Variants in KCTD5 observed in about 807,000 individuals in gnomAD.
The protein encoded by KCTD5 is potassium channel tetramerization domain containing 5.
KCTD5 carries 12 observed loss-of-function variants against 27.9 expected under a neutral mutation model. The ratio of observed to expected loss-of-function variants is 0.43; its 90% confidence interval spans 0.28 to 0.70. The LOEUF is 0.70. KCTD5 is among the 30% of genes least tolerant of loss of function. KCTD5 has a pLI of 0.19. For missense variants in KCTD5, 226 were observed against 274.8 expected (o/e 0.82, Z 1.26); for synonymous variants, 147 against 121.4 (o/e 1.21, Z -1.39).
At chr16:2,691,721 C>G (rs1261594211) in intron 1 of KCTD5, among the ~76,000 whole-genome samples, 1 of 152,182 alleles carries the variant, frequency 6.6e-6, no homozygotes, top group African/African-American at 2.4e-5. Context: ...CTGGGGTTCT[C>G]TGCTCCTCTG....
chr16:2,682,732 C>G lies in KCTD5; in HGVS notation c.184C>G (p.Leu62Val), dbSNP rs772439443. Residue 62 changes from leucine (L) to valine (V), a missense_variant, in exon 1 of 6, where the codon CTG becomes GTG. Physicochemically the swap from Leu to Val is conservative, Grantham distance 32 (BLOSUM62 1). Coordinates refer to ENST00000301738, the MANE Select transcript of KCTD5 (RefSeq NM_018992.4). Reference protein sequence around the residue: ...GTYFLTTRQTLCRDPKSFLYR... With the variant: ...GTYFLTTRQTVCRDPKSFLYR... Reference sequence around the variant, plus strand: ...CTACTTCCTCACCACTCGGCAGACCCTGTGCCGGGACCCGAAATCCTTCCT... The same window carrying G: ...CTACTTCCTCACCACTCGGCAGACCGTGTGCCGGGACCCGAAATCCTTCCT... 1 of 1,610,884 alleles carries G rather than the reference C, an allele frequency of 6.2e-7. No individual in the cohort carries two copies. The highest frequency in any genetic ancestry group is 1.1e-5 in the South Asian group (1 of 90,652).
At chr16:2,685,299 G>A (rs1200752978) in intron 1 of KCTD5, among the ~76,000 whole-genome samples, 11 of 151,970 alleles carry the variant, frequency 7.2e-5, no homozygotes, top group African/African-American at 2.4e-4. Context: ...ATGGTGGCGC[G>A]TGCCTGTACT....
At chr16:2,698,951 G>A (rs1333547111) in intron 3 of KCTD5, among the ~76,000 whole-genome samples, 1 of 152,232 alleles carries the variant, frequency 6.6e-6, no homozygotes, top group Non-Finnish European at 1.5e-5. Flanking sequence ...AGGTGGGCAG[G>A]AAATGGTGCA....
At chr16:2,700,148 C>G (rs1164074991) in intron 4 of KCTD5, among the ~76,000 whole-genome samples, 1 of 152,222 alleles carries the variant, frequency 6.6e-6, no homozygotes, top group Non-Finnish European at 1.5e-5. Context: ...CCCCTCCTCC[C>G]TGGCCTGCCT....
chr16:2,697,100 A>C (rs897914947), intron 2 of KCTD5: 2 of 152,374 alleles, frequency 1.3e-5, no homozygotes, highest in East Asian at 3.9e-4. Context: ...TGCGGGACCC[A>C]TGCGGGGCCG....
intron 3 of KCTD5, chr16:2,699,232 A>G: frequency 2.2e-6 from 1 of 455,990 alleles, no homozygotes; most frequent in Non-Finnish European, 4.4e-6. Flanking sequence ...GAGCAGCTCC[A>G]TGCAGGCGGG....
intron 4 of KCTD5, among the ~76,000 whole-genome samples, chr16:2,700,611 A>C (rs1458262965): frequency 6.6e-6 from 1 of 150,838 alleles, no homozygotes; most frequent in Non-Finnish European, 1.5e-5. Context: ...GGGTGGGGAC[A>C]GTGACCTCAC....
At position 2,705,052 on chromosome 16, in the gene KCTD5, G is replaced by A. The variant is rs2067629177; in HGVS notation, c.676-2246G>A. On this transcript the variant is annotated intron_variant, in intron 5 of 5. Transcript: ENST00000301738. ...GCCTCACTGGAAGGTCACCGGGCGT[G>A]GGGGTTTGGGCCCGGGGCACCCGCC... is the stretch of plus-strand genomic sequence containing the variant. 2.0e-5 allele frequency among the ~76,000 whole-genome samples: 3 copies of A among 152,206 alleles called. No individual in the cohort carries two copies. The South Asian group carries it at 6.2e-4, about 31-fold the overall frequency.
intron 5 of KCTD5, among the ~76,000 whole-genome samples, chr16:2,703,076 GCCC>G (rs2067619921): frequency 6.6e-6 from 1 of 152,196 alleles, no homozygotes; most frequent in Admixed American, 6.5e-5. Flanking sequence ...GGGGGCTCAG[GCCC>G]TTCTGTTTTC....
At chr16:2,685,197 G>A (rs546591052) in intron 1 of KCTD5, among the ~76,000 whole-genome samples, 402 of 152,116 alleles carry the variant, frequency 2.6e-3, no homozygotes, top group Admixed American at 7.7e-3. Flanking sequence ...AGGCCGAGGC[G>A]CGTGAATCAC....
At chr16:2,690,286 G>C (rs947346916) in intron 1 of KCTD5, among the ~76,000 whole-genome samples, 1 of 152,224 alleles carries the variant, frequency 6.6e-6, no homozygotes, top group African/African-American at 2.4e-5. Context: ...TGTCTGCCAT[G>C]TGCTCCCGTG....
In KCTD5 at chr16:2,695,480, G is replaced by A. The variant is rs1366422014; in HGVS notation, c.253-455G>A. ...TCACCCTGACCCCCGGTTCCTGCATGTAGGCTGCGGAGGACCCGGGCACGA... is the reference window on the plus strand; with the variant it reads ...TCACCCTGACCCCCGGTTCCTGCATATAGGCTGCGGAGGACCCGGGCACGA... On this transcript the variant is annotated intron_variant, in intron 1 of 5. Transcript: ENST00000301738. Among the ~76,000 whole-genome samples, 3 of 125,496 alleles carry A rather than the reference G, an allele frequency of 2.4e-5. 1 individual carries two copies. Among genetic ancestry groups the A allele is most frequent in the Non-Finnish European group, 3.5e-5 (2 of 57,194 alleles). The allele number at this position is 125,496 out of a possible 152,430, so 82.3% of individuals were successfully genotyped here.
intron 3 of KCTD5, chr16:2,699,247 C>T (rs921179668): frequency 8.8e-6 from 4 of 455,766 alleles, no homozygotes; most frequent in Non-Finnish European, 1.8e-5. Flanking sequence ...GGCGGGCGGC[C>T]CTGGTGGCTC....
chr16:2,690,906 T>G (rs2067563588), intron 1 of KCTD5, among the ~76,000 whole-genome samples: 2 of 152,258 alleles, frequency 1.3e-5, no homozygotes, highest in African/African-American at 4.8e-5. Flanking sequence ...TGTTCCATAT[T>G]TTTTTGTTGT....
chr16:2,699,152 T>G (rs1567195344), intron 3 of KCTD5: 1 of 456,080 alleles, frequency 2.2e-6, no homozygotes, highest in Admixed American at 2.3e-5. Context: ...TGCGTTTCCG[T>G]CCAGCCCCGT....
At chr16:2,703,476 C>T (rs143211492) in intron 5 of KCTD5, among the ~76,000 whole-genome samples, 304 of 152,296 alleles carry the variant, frequency 2.0e-3, no homozygotes, top group African/African-American at 6.9e-3. Flanking sequence ...TAACTGGTGG[C>T]ATTAAACCAG....
At chr16:2,692,238 C>T (rs1214712128) in intron 1 of KCTD5, among the ~76,000 whole-genome samples, 1 of 152,198 alleles carries the variant, frequency 6.6e-6, no homozygotes, top group African/African-American at 2.4e-5. Flanking sequence ...CCAGAAACGT[C>T]TCTGGCCGGC....
intron 3 of KCTD5, chr16:2,699,129 C>T (rs372229228): frequency 2.2e-6 from 1 of 456,110 alleles, no homozygotes; most frequent in South Asian, 1.5e-5. Flanking sequence ...ACCTCTGAAC[C>T]CCTTCTCACT....
intron 1 of KCTD5, among the ~76,000 whole-genome samples, chr16:2,688,595 T>C (rs573291635): frequency 6.8e-6 from 1 of 146,456 alleles, no homozygotes; most frequent in East Asian, 2.0e-4. Flanking sequence ...CAGCCACACT[T>C]AATTTCTGTT....
Sources: gnomAD v4.1 joint callset for allele counts (sites outside exome capture counted in the v4.1 genomes callset) on GRCh38, gnomAD v4.1.1 for gene constraint, MANE v1.5 for transcripts, NCBI Gene and HGNC (gene_info 2026-07-23, HGNC 2026-07-21) for gene names.